TEAD4: variants seen among roughly 807,000 people sequenced by gnomAD.
The protein encoded by TEAD4 is transcriptional enhancer factor TEF-3.
A neutral mutation model predicts 52.4 loss-of-function variants in TEAD4; 36 were observed. The ratio of observed to expected loss-of-function variants is 0.69; its 90% confidence interval spans 0.53 to 0.91. The LOEUF (loss-of-function observed/expected upper bound fraction) is 0.91, where lower values mean the gene tolerates loss of function less well. Ranked by LOEUF, TEAD4 falls within the 40% of genes least tolerant of loss-of-function variation. TEAD4 has a pLI of 0.00. For missense variants in TEAD4, 508 were observed against 583.9 expected (o/e 0.87, Z 1.34); for synonymous variants, 220 against 231.0 (o/e 0.95, Z 0.43).
chr12:2,989,258 G>A (rs2098241178), intron 2 of TEAD4, among the ~76,000 whole-genome samples: 1 of 151,902 alleles, frequency 6.6e-6, no homozygotes, highest in African/African-American at 2.4e-5. Context: ...TTCTCAATGA[G>A]GCTCTTTGAT....
intron 2 of TEAD4, among the ~76,000 whole-genome samples, chr12:2,981,087 C>T (rs577488417): frequency 1.1e-4 from 17 of 152,274 alleles, no homozygotes; most frequent in African/African-American, 4.1e-4. Context: ...TTGCCCAGTG[C>T]CTGATGCAGA....
At chr12:2,962,343 TA>T (rs201454878) in intron 2 of TEAD4, among the ~76,000 whole-genome samples, 2,669 of 103,008 alleles carry the variant, frequency 0.026, 127 homozygotes, top group African/African-American at 0.088. Context: ...AATATATATA[TA>T]TATTTTTTGA....
At chr12:2,993,685 C>T (rs2098244948) in intron 2 of TEAD4, among the ~76,000 whole-genome samples, 1 of 149,692 alleles carries the variant, frequency 6.7e-6, no homozygotes, top group African/African-American at 2.5e-5. Flanking sequence ...CCGATATTGC[C>T]TAGACTGGTC....
intron 2 of TEAD4, among the ~76,000 whole-genome samples, chr12:2,966,341 T>A (rs2098220170): frequency 6.6e-6 from 1 of 152,114 alleles, no homozygotes; most frequent in African/African-American, 2.4e-5. Flanking sequence ...CTTAGTCCTC[T>A]ATGTTTTCCA....
intron 10 of TEAD4, among the ~76,000 whole-genome samples, chr12:3,029,233 ATTTTTTTTTT>A (rs71057880): frequency 9.1e-6 from 1 of 109,622 alleles, no homozygotes; most frequent in African/African-American, 3.2e-5. Flanking sequence ...CGCCTGGCCA[ATTTTTTTTTT>A]TTTTTTTTTT....
intron 8 of TEAD4, 137 bp from the exon 9 acceptor site, chr12:3,020,497 A>T: frequency 9.2e-7 from 1 of 1,089,486 alleles, no homozygotes; most frequent in Non-Finnish European, 1.2e-6. Flanking sequence ...CACCTCTGCT[A>T]GGAGGTCCAT....
chr12:3,002,341 A>G (rs1035495679), intron 3 of TEAD4, among the ~76,000 whole-genome samples: 2 of 152,216 alleles, frequency 1.3e-5, no homozygotes, highest in African/African-American at 2.4e-5. Context: ...GTGTACAGGT[A>G]TCTTGAGTCC....
chr12:2,964,219 G>A (rs1483241770), intron 2 of TEAD4, among the ~76,000 whole-genome samples: 6 of 152,194 alleles, frequency 3.9e-5, no homozygotes, highest in South Asian at 2.1e-4. Flanking sequence ...GCCTCCGCTC[G>A]TGCCACGCTC....
intron 8 of TEAD4, among the ~76,000 whole-genome samples, chr12:3,020,003 C>A (rs2153957353): frequency 6.6e-6 from 1 of 152,342 alleles, no homozygotes; most frequent in African/African-American, 2.4e-5. Flanking sequence ...CGTCTCACCT[C>A]CTCTCGTCAC....
At chr12:3,017,013 T>G (rs1457715766) in intron 5 of TEAD4, 5 of 451,498 alleles carry the variant, frequency 1.1e-5, no homozygotes, top group Admixed American at 9.6e-5. Context: ...TGATGCTTCC[T>G]GTGCACTCGA....
intron 2 of TEAD4, among the ~76,000 whole-genome samples, chr12:2,985,696 G>A (rs2098237829): frequency 6.6e-6 from 1 of 151,440 alleles, no homozygotes; most frequent in South Asian, 2.1e-4. Context: ...AGTAGAGACG[G>A]GGTTTCAGCA....
rs753185107 is a variant in TEAD4 at position 3,020,783 on chromosome 12, G to T, written c.723+10G>T. 37 of 1,574,828 alleles carry T rather than the reference G, an allele frequency of 2.3e-5. No homozygotes were observed. The highest frequency in any genetic ancestry group is 3.2e-5 in the Non-Finnish European group (37 of 1,159,256). ...GCAGGACCCGGACACGGTAGGTCCT[G>T]GCCTCTGCCTGTCCAGCTCCCTGGT... On this transcript the variant is annotated intron_variant, in intron 9 of 12. Transcript: ENST00000359864.
rs1175588414 is a variant in TEAD4, at chr12:3,022,142, G to C, written c.897+125G>C. On this transcript the variant is annotated intron_variant, in intron 10 of 12. Transcript: ENST00000359864. ...TTGGGGAGGTGGCACCAGTGAGAAG[G>C]GGAGAGTAAGCCCAGCATGGCTATG... The C allele has an allele frequency of 6.3e-6, 8 of 1,276,174 alleles. No homozygotes were observed. The African/African-American group carries it at 1.0e-4, about 17-fold the overall frequency. The allele number at this position is 1,276,174 out of a possible 1,614,324, so 79.1% of individuals were successfully genotyped here. A position where few individuals can be genotyped will look rare whatever the true frequency, so the allele number is the denominator to read the frequency against.
In TEAD4 at chr12:3,017,514, A is replaced by G. The variant is rs1458465578; in HGVS notation, c.471A>G (p.Pro157=). Residue 157 remains proline, a synonymous_variant, in exon 6 of 13, where the codon CCA becomes CCG. Transcript: ENST00000359864. ...CCCTCGCCCGGGGCCCCGGCCGCCC[A>G]GCAGTCTCAGGGGTAAGTGGGCTGC... 1.2e-6 allele frequency: 2 copies of G among 1,613,340 alleles called. No individual in the cohort carries two copies. Among genetic ancestry groups the G allele is most frequent in the Non-Finnish European group, 8.5e-7 (1 of 1,179,810 alleles).
At chr12:3,028,864 C>T (rs1196044401) in intron 10 of TEAD4, among the ~76,000 whole-genome samples, 1 of 152,070 alleles carries the variant, frequency 6.6e-6, no homozygotes, top group East Asian at 1.9e-4. Context: ...CTCCTGAGCT[C>T]AAGCGATTCG....
chr12:2,962,347 T>TA (rs148487800), intron 2 of TEAD4, among the ~76,000 whole-genome samples: 2,143 of 27,912 alleles, frequency 0.077, 28 homozygotes, highest in Non-Finnish European at 0.19. Flanking sequence ...TATATATATA[T>TA]TTTTTGAGAT....
At position 2,994,648 on chromosome 12, in the gene TEAD4, T is replaced by C; in HGVS notation, c.-29-90T>C. 7.7e-6 allele frequency: 11 copies of C among 1,436,696 alleles called. No individual in the cohort carries two copies. The highest frequency in any genetic ancestry group is 1.0e-5 in the Non-Finnish European group (11 of 1,096,338). 89.0% of individuals were successfully genotyped at this position (1,436,696 alleles called of 1,614,324 possible). A position where few individuals can be genotyped will look rare whatever the true frequency, so the allele number is the denominator to read the frequency against. On this transcript the variant is annotated intron_variant, in intron 2 of 12. Coordinates refer to ENST00000359864, the MANE Select transcript of TEAD4 (RefSeq NM_003213.4). The surrounding 1 kb of genome is among the most constrained non-coding windows in gnomAD (Gnocchi z 4.7). Reference sequence around the variant, plus strand: ...ACGCTTTGCTTCCTGAGCAACTGATTCGGGCTCTGGCACTCCCCGGAGTGC... The same window carrying C: ...ACGCTTTGCTTCCTGAGCAACTGATCCGGGCTCTGGCACTCCCCGGAGTGC...
At chr12:2,983,840 C>T (rs2098235971) in intron 2 of TEAD4, among the ~76,000 whole-genome samples, 1 of 152,202 alleles carries the variant, frequency 6.6e-6, no homozygotes, top group East Asian at 1.9e-4. Flanking sequence ...CTCTGTGCAG[C>T]GTGCTGAGGA....
Position 3,030,640 on chromosome 12 carries a change from A to G in TEAD4, c.898-7328A>G, listed in dbSNP as rs2098274910. Among the ~76,000 whole-genome samples, 5 of 152,044 alleles carry G rather than the reference A, an allele frequency of 3.3e-5. No homozygotes were observed. The South Asian group carries it at 1.0e-3, about 32-fold the overall frequency. ...GTGGTGCTGCATATTGTTTAAAGTT[A>G]CTTGCTGTTGTCCTTCTAGCTGGGT... On this transcript the variant is annotated intron_variant, in intron 10 of 12. Transcript: ENST00000359864.
Sources: gnomAD v4.1 joint callset for allele counts (sites outside exome capture counted in the v4.1 genomes callset) on GRCh38, gnomAD v4.1.1 for gene constraint, Gnocchi (gnomAD v3.1) non-coding constraint, MANE v1.5 for transcripts, NCBI Gene and HGNC (gene_info 2026-07-23, HGNC 2026-07-21) for gene names.